FGF12: variants seen among roughly 807,000 people sequenced by gnomAD.
The protein encoded by FGF12 is fibroblast growth factor 12B.
Under a neutral mutation model 23.6 loss-of-function variants are expected in FGF12, and 14 were observed. That is an observed-to-expected ratio of 0.59 (90% CI 0.39 to 0.93). The LOEUF is 0.93. Among genes scored for constraint, FGF12 ranks in the 40% least tolerant of loss-of-function variants. The pLI is 0.00. For missense variants in FGF12, 175 were observed against 217.8 expected, an observed-to-expected ratio of 0.80 and a Z score of 1.24; for synonymous variants, 62 against 77.3, an observed-to-expected ratio of 0.80 and a Z score of 1.04.
chr3:192,676,671 G>T (rs1717336916), intron 2 of FGF12, among the ~76,000 whole-genome samples: 2 of 152,102 alleles, frequency 1.3e-5, no homozygotes, highest in Non-Finnish European at 2.9e-5. Flanking sequence ...AGGTCATTAG[G>T]GTGGGCTTTA....
chr3:192,705,258 G>A (rs1348888420), intron 2 of FGF12, among the ~76,000 whole-genome samples: 1 of 152,306 alleles, frequency 6.6e-6, no homozygotes, highest in Admixed American at 6.5e-5. Flanking sequence ...TTGATTTTAA[G>A]TGAGAGACAT....
rs1723164291 is a variant in FGF12 at position 192,471,207 on chromosome 3, G to A, written c.14-110669C>T. Reference sequence around the variant, plus strand: ...CAGGTTGCAGACATGTACTTCTTGGGAATGTTTTATTCAGATGCAGTTTTC... The same window carrying A: ...CAGGTTGCAGACATGTACTTCTTGGAAATGTTTTATTCAGATGCAGTTTTC... On this transcript the variant is annotated intron_variant, in intron 2 of 5. Transcript: ENST00000445105. Among the ~76,000 whole-genome samples the A allele has an allele frequency of 3.3e-5, 5 of 152,102 alleles. No homozygotes were observed. The South Asian group carries it at 1.0e-3, about 32-fold the overall frequency.
At chr3:192,342,129 T>G (rs943191217) in intron 3 of FGF12, among the ~76,000 whole-genome samples, 1 of 152,230 alleles carries the variant, frequency 6.6e-6, no homozygotes, top group Non-Finnish European at 1.5e-5. Flanking sequence ...ACTTTTATTA[T>G]GATCCCCAAT....
chr3:192,480,634 C>G (rs1486386294), intron 2 of FGF12, among the ~76,000 whole-genome samples: 1 of 152,142 alleles, frequency 6.6e-6, no homozygotes, highest in East Asian at 1.9e-4. Context: ...AAGCATGTAT[C>G]TCACTATGGG....
chr3:192,610,006 C>T (rs1209684543), intron 2 of FGF12, among the ~76,000 whole-genome samples: 1 of 152,012 alleles, frequency 6.6e-6, no homozygotes, highest in Non-Finnish European at 1.5e-5. Context: ...CTGGTCTGTG[C>T]TAGGACAGGT....
intron 4 of FGF12, among the ~76,000 whole-genome samples, chr3:192,330,944 G>T (rs1169718932): frequency 6.6e-6 from 1 of 151,990 alleles, no homozygotes; most frequent in Non-Finnish European, 1.5e-5. Flanking sequence ...GAAAATATTT[G>T]CAAATCATAT....
intron 4 of FGF12, among the ~76,000 whole-genome samples, chr3:192,211,491 T>C (rs534108655): frequency 0.13 from 19,653 of 152,092 alleles, 1,412 homozygotes; most frequent in African/African-American, 0.2. Context: ...AGCGGCGCAA[T>C]CTCGGCTCAC....
At chr3:192,604,578 C>A (rs1403427468) in intron 2 of FGF12, among the ~76,000 whole-genome samples, 1 of 152,116 alleles carries the variant, frequency 6.6e-6, no homozygotes, top group Admixed American at 6.6e-5. Flanking sequence ...AATGAAAAAG[C>A]ATTCCATGCT....
chr3:192,259,061 G>T (rs1712583436), intron 4 of FGF12, among the ~76,000 whole-genome samples: 1 of 151,568 alleles, frequency 6.6e-6, no homozygotes, highest in East Asian at 1.9e-4. Flanking sequence ...TAAGCAAATT[G>T]CTTGGTTGCA....
At chr3:192,156,553 A>G (rs749733616) in intron 5 of FGF12, among the ~76,000 whole-genome samples, 13 of 152,204 alleles carry the variant, frequency 8.5e-5, no homozygotes, top group Non-Finnish European at 1.5e-4. Flanking sequence ...CCTGCAAGAT[A>G]AATAAACAAT....
At position 192,690,778 on chromosome 3, in the gene FGF12, G is replaced by C. The variant is rs771804401; in HGVS notation, c.13+36403C>G. Among the ~76,000 whole-genome samples the C allele has an allele frequency of 7.8e-4, 119 of 151,940 alleles. 1 individual carries two copies. Among genetic ancestry groups the C allele is most frequent in the Non-Finnish European group, 1.6e-4 (11 of 67,820 alleles). ...TAGAGTGGATAAATTATTTAAAAAA[G>C]ACAAGACCCAAATATATGCTGCTGA... is the stretch of plus-strand genomic sequence containing the variant. On this transcript the variant is annotated intron_variant, in intron 2 of 5. Coordinates refer to ENST00000445105, the MANE Select transcript of FGF12 (RefSeq NM_004113.6).
intron 2 of FGF12, among the ~76,000 whole-genome samples, chr3:192,455,207 T>C (rs1722642515): frequency 6.6e-6 from 1 of 152,190 alleles, no homozygotes; most frequent in South Asian, 2.1e-4. Flanking sequence ...AATGCAGACA[T>C]AGAAACTCTT....
intron 2 of FGF12, among the ~76,000 whole-genome samples, chr3:192,480,009 G>A (rs926597157): frequency 1.3e-5 from 2 of 151,910 alleles, no homozygotes; most frequent in Admixed American, 1.3e-4. Flanking sequence ...AGGATTTGGG[G>A]GCTGGAGGAG....
In FGF12 at chr3:192,262,580, C is replaced by T. The variant is rs74795200; in HGVS notation, c.228+72781G>A. On this transcript the variant is annotated intron_variant, in intron 4 of 5. Transcript: ENST00000445105. Reference sequence around the variant, plus strand: ...AGGTTTAGATACACAAATATCACTACGTTACAACTGCCTACAGTATTCAGT... The same window carrying T: ...AGGTTTAGATACACAAATATCACTATGTTACAACTGCCTACAGTATTCAGT... Among the ~76,000 whole-genome samples the T allele has an allele frequency of 7.4e-3, 1,120 of 152,148 alleles. 18 individuals are homozygous for T. The highest frequency in any genetic ancestry group is 0.025 in the African/African-American group (1,049 of 41,516).
intron 2 of FGF12, among the ~76,000 whole-genome samples, chr3:192,426,978 A>C (rs768358072): frequency 9.2e-5 from 14 of 152,232 alleles, no homozygotes; most frequent in Non-Finnish European, 1.6e-4. Flanking sequence ...GGTATACAAA[A>C]ATACATTATA....
At chr3:192,346,383 G>C (rs553195329) in intron 3 of FGF12, among the ~76,000 whole-genome samples, 1 of 152,220 alleles carries the variant, frequency 6.6e-6, no homozygotes, top group African/African-American at 2.4e-5. Context: ...AAATACAACT[G>C]TCCTAATCTT....
At chr3:192,350,638 A>G (rs1313857540) in intron 3 of FGF12, among the ~76,000 whole-genome samples, 3 of 152,182 alleles carry the variant, frequency 2.0e-5, no homozygotes, top group East Asian at 3.9e-4. Flanking sequence ...GCTGGTCCCA[A>G]TGCCTTCAGG....
chr3:192,725,793 C>T (rs149430985), intron 2 of FGF12, among the ~76,000 whole-genome samples: 86 of 152,202 alleles, frequency 5.7e-4, no homozygotes, highest in Non-Finnish European at 1.1e-3. Context: ...ACTTAGTCAG[C>T]TAGAATATTA....
intron 2 of FGF12, among the ~76,000 whole-genome samples, chr3:192,547,174 T>C (rs1238362973): frequency 6.6e-6 from 1 of 152,208 alleles, no homozygotes; most frequent in Non-Finnish European, 1.5e-5. Context: ...GATGACTCTT[T>C]GGCTTTTTAT....
Sources: gnomAD v4.1 joint callset for allele counts (sites outside exome capture counted in the v4.1 genomes callset) on GRCh38, gnomAD v4.1.1 for gene constraint, MANE v1.5 for transcripts, NCBI Gene and HGNC (gene_info 2026-07-23, HGNC 2026-07-21) for gene names.